LCLAT1: variants seen among roughly 807,000 people sequenced by gnomAD.
The protein encoded by LCLAT1 is lysocardiolipin acyltransferase 1.
Under a neutral mutation model 30.7 loss-of-function variants are expected in LCLAT1, and 11 were observed. The ratio of observed to expected loss-of-function variants is 0.36; its 90% confidence interval spans 0.23 to 0.59. LCLAT1 has a LOEUF of 0.59. Among genes scored for constraint, LCLAT1 ranks in the 20% least tolerant of loss-of-function variants. The probability of loss-of-function intolerance (pLI) is 0.77; values close to 1 mark genes in which losing one functional copy is unlikely to be tolerated. For missense variants in LCLAT1, 402 were observed against 458.6 expected (o/e 0.88, Z 1.13); for synonymous variants, 155 against 151.3 (o/e 1.02, Z -0.18).
chr2:30,533,548 A>G (rs1001171192), intron 3 of LCLAT1, among the ~76,000 whole-genome samples: 6 of 152,232 alleles, frequency 3.9e-5, no homozygotes, highest in African/African-American at 9.6e-5. Context: ...AAATGGATAT[A>G]TAGTATCTGA....
chr2:30,482,126 A>T (rs183001581), intron 1 of LCLAT1, among the ~76,000 whole-genome samples: 3 of 152,238 alleles, frequency 2.0e-5, no homozygotes, highest in Non-Finnish European at 4.4e-5. Flanking sequence ...ATCTTAAAAC[A>T]CTTAGAAATT....
chr2:30,511,426 A>C (rs893900020), intron 1 of LCLAT1, among the ~76,000 whole-genome samples: 1 of 152,226 alleles, frequency 6.6e-6, no homozygotes, highest in Non-Finnish European at 1.5e-5. Context: ...ACCCACATGT[A>C]GCTATTTAAA....
At chr2:30,518,619 G>C (rs1480027455) in intron 1 of LCLAT1, among the ~76,000 whole-genome samples, 1 of 152,220 alleles carries the variant, frequency 6.6e-6, no homozygotes, top group African/African-American at 2.4e-5. Context: ...GTGGAGGTTA[G>C]TGCAAGATCT....
rs34008509 is a variant in LCLAT1, at chr2:30,590,518, T to TTATA, written c.628+22354_628+22357dup. 3.7e-3 allele frequency among the ~76,000 whole-genome samples: 549 copies of TTATA among 147,128 alleles called. 2 individuals carry two copies. Among genetic ancestry groups the TTATA allele is most frequent in the African/African-American group, 0.011 (462 of 40,520 alleles). On this transcript the variant is annotated intron_variant, in intron 5 of 5. Coordinates refer to ENST00000379509, the MANE Select transcript of LCLAT1 (RefSeq NM_001002257.3). ...ATTCTTATGTGAAGGTGGACATATT[T>TTATA]TATATATATATATATTATATGTATA...
chr2:30,533,508 T>C (rs2148397045), intron 3 of LCLAT1, among the ~76,000 whole-genome samples, 194 bp downstream of exon 3: 1 of 152,316 alleles, frequency 6.6e-6, no homozygotes, highest in South Asian at 2.1e-4. Context: ...AAAATATTAC[T>C]CTGAAAGAGA....
At chr2:30,630,486 G>T (rs1668716204) in intron 5 of LCLAT1, among the ~76,000 whole-genome samples, 1 of 152,050 alleles carries the variant, frequency 6.6e-6, no homozygotes, top group Non-Finnish European at 1.5e-5. Flanking sequence ...GACTTAACTT[G>T]CATTTTCTTC....
At chr2:30,525,451 TC>T (rs2148383819) in intron 1 of LCLAT1, 135 bp from the exon 2 acceptor site, 1 of 673,276 alleles carries the variant, frequency 1.5e-6, no homozygotes, top group East Asian at 2.7e-5. Context: ...TCTTTGAAAT[TC>T]AGACTCTTAT....
At chr2:30,565,063 T>A (rs557310735) in intron 4 of LCLAT1, among the ~76,000 whole-genome samples, 1 of 152,240 alleles carries the variant, frequency 6.6e-6, no homozygotes, top group African/African-American at 2.4e-5. Context: ...ACATATGTCT[T>A]CGTTATTCTT....
intron 5 of LCLAT1, among the ~76,000 whole-genome samples, chr2:30,634,737 A>G (rs1452543394): frequency 6.6e-6 from 1 of 152,272 alleles, no homozygotes; most frequent in Non-Finnish European, 1.5e-5. Context: ...AAGGCAGTAT[A>G]AATCCTTCGT....
At position 30,642,588 on chromosome 2, in the gene LCLAT1, T is replaced by A. The variant is rs1033594302; in HGVS notation, c.*1969T>A. 2 of 152,138 alleles carry A rather than the reference T, an allele frequency of 1.3e-5. No individual in the cohort carries two copies. Among genetic ancestry groups the A allele is most frequent in the Non-Finnish European group, 2.9e-5 (2 of 68,026 alleles). 9.4% of individuals were successfully genotyped at this position (152,138 alleles called of 1,614,324 possible). A position where few individuals can be genotyped will look rare whatever the true frequency, so the allele number is the denominator to read the frequency against. On this transcript the variant is annotated 3_prime_UTR_variant, in exon 6 of 6. Transcript: ENST00000379509. Reference sequence around the variant, plus strand: ...GTGCTTTCTACCCCAAAGTTGTTGGTAATGGAGCCGGTCTGCCCTTCCTAC... The same window carrying A: ...GTGCTTTCTACCCCAAAGTTGTTGGAAATGGAGCCGGTCTGCCCTTCCTAC...
intron 3 of LCLAT1, among the ~76,000 whole-genome samples, chr2:30,534,378 C>T (rs931131076): frequency 2.0e-5 from 3 of 152,152 alleles, no homozygotes; most frequent in Admixed American, 6.5e-5. Context: ...CGCAGGTTCA[C>T]GCTGTTCTCC....
intron 1 of LCLAT1, among the ~76,000 whole-genome samples, chr2:30,448,570 C>T (rs1212946741): frequency 2.0e-5 from 3 of 152,196 alleles, no homozygotes; most frequent in Non-Finnish European, 4.4e-5. Context: ...GCTGCAATCT[C>T]TGGAGTGCCA....
chr2:30,604,970 TG>T (rs35657437), intron 5 of LCLAT1, among the ~76,000 whole-genome samples: 2 of 152,174 alleles, frequency 1.3e-5, no homozygotes, highest in Non-Finnish European at 2.9e-5. Flanking sequence ...CACACACAGG[TG>T]GGAGGTTGCA....
chr2:30,573,941 C>T (rs1380273405), intron 5 of LCLAT1, among the ~76,000 whole-genome samples: 2 of 151,926 alleles, frequency 1.3e-5, no homozygotes, highest in South Asian at 4.2e-4. Context: ...AATAGCAGTG[C>T]CCCAGCCTGG....
chr2:30,633,875 A>G (rs753269113), intron 5 of LCLAT1, among the ~76,000 whole-genome samples: 1 of 152,208 alleles, frequency 6.6e-6, no homozygotes, highest in East Asian at 1.9e-4. Context: ...TCACTGTACT[A>G]TGCATGTAGA....
intron 4 of LCLAT1, among the ~76,000 whole-genome samples, chr2:30,564,108 T>G (rs1260264836): frequency 6.6e-6 from 1 of 152,134 alleles, no homozygotes; most frequent in African/African-American, 2.4e-5. Flanking sequence ...TAAGTTGATT[T>G]CCAGAACTAA....
At chr2:30,455,909 C>CAAAAA (rs3060184) in intron 1 of LCLAT1, among the ~76,000 whole-genome samples, 6 of 61,000 alleles carry the variant, frequency 9.8e-5, no homozygotes, top group Admixed American at 2.3e-4. Context: ...GACCCTATAT[C>CAAAAA]AAAAAAAAAA....
chr2:30,541,949 A>G (rs545414483), intron 3 of LCLAT1, among the ~76,000 whole-genome samples: 1 of 152,086 alleles, frequency 6.6e-6, no homozygotes, highest in Admixed American at 6.5e-5. Context: ...TGTTGTTTCA[A>G]TTTTCATTTC....
rs540086671 is a variant in LCLAT1, at chr2:30,527,685, A to G, written c.165+1930A>G. ...TAAGCTTTTGTTTCTTCATCTCTAT[A>G]AAAAGGAGTCTTAATACTACCTACT... On this transcript the variant is annotated intron_variant, in intron 2 of 5. Coordinates refer to ENST00000379509, the MANE Select transcript of LCLAT1 (RefSeq NM_001002257.3). Among the ~76,000 whole-genome samples, 41 of 152,324 alleles carry G rather than the reference A, an allele frequency of 2.7e-4. 1 individual carries two copies. The South Asian group carries it at 8.3e-3, about 31-fold the overall frequency.
Sources: gnomAD v4.1 joint callset for allele counts (sites outside exome capture counted in the v4.1 genomes callset) on GRCh38, gnomAD v4.1.1 for gene constraint, MANE v1.5 for transcripts, NCBI Gene and HGNC (gene_info 2026-07-23, HGNC 2026-07-21) for gene names.